Variants in ACAN observed in about 807,000 individuals in gnomAD.
ACAN encodes the protein aggrecan, also known as aggrecan core protein.
Under a neutral mutation model 169.1 loss-of-function variants are expected in ACAN, and 47 were observed. That is an observed-to-expected ratio of 0.28 (90% CI 0.22 to 0.35). The LOEUF is 0.35. Ranked by LOEUF, ACAN falls within the 10% of genes least tolerant of loss-of-function variation. ACAN has a pLI of 1.00. For synonymous variants in ACAN, 1,115 were observed against 1,112.2 expected (o/e 1.00, Z -0.05); for missense variants, 2,716 against 2,759.9 (o/e 0.98, Z 0.36).
chr15:88,806,225 A>C (rs8026235), intron 1 of ACAN, among the ~76,000 whole-genome samples: 2,451 of 152,342 alleles, frequency 0.016, 67 homozygotes, highest in African/African-American at 0.056. Context: ...AAGCACCACA[A>C]ACTTTAATTC....
rs1454438233 is a variant in ACAN at position 88,843,704 on chromosome 15, A to G, written c.1051+56A>G. The G allele has an allele frequency of 6.6e-7, 1 of 1,508,750 alleles. No individual in the cohort carries two copies. Among genetic ancestry groups the G allele is most frequent in the Non-Finnish European group, 8.9e-7 (1 of 1,125,544 alleles). 93.5% of individuals were successfully genotyped at this position (1,508,750 alleles called of 1,614,324 possible). ...TCATGCCACTAAAATGGGGTCCTAG[A>G]GGGAAGAGGGGATCTTGGAAAGGGA... On this transcript the variant is annotated intron_variant, in intron 6 of 18. Coordinates refer to ENST00000560601, the MANE Select transcript of ACAN (RefSeq NM_001369268.1). The surrounding 1 kb of genome is among the most constrained non-coding windows in gnomAD (Gnocchi z 4.0).
chr15:88,824,631 C>A (rs189346404), intron 1 of ACAN, among the ~76,000 whole-genome samples: 1 of 152,128 alleles, frequency 6.6e-6, no homozygotes, highest in African/African-American at 2.4e-5. Context: ...ATAATCCCAG[C>A]ATTTTGGGAA....
chr15:88,871,083 T>C lies in ACAN; in HGVS notation c.7061-299T>C, dbSNP rs1036702188. The stretch of plus-strand genomic sequence containing the variant: ...TCTTTTGAACTGGACTGCTGACCTC[T>C]GCCGGCCCAGCAGAGCAGGCATCAA... On this transcript the variant is annotated intron_variant, in intron 14 of 18. Coordinates refer to ENST00000560601, the MANE Select transcript of ACAN (RefSeq NM_001369268.1). The surrounding 1 kb of genome is among the most constrained non-coding windows in gnomAD (Gnocchi z 7.8). Among the ~76,000 whole-genome samples the C allele has an allele frequency of 6.6e-6, 1 of 152,126 alleles. No individual in the cohort carries two copies. The highest frequency in any genetic ancestry group is 1.5e-5 in the Non-Finnish European group (1 of 68,024).
Position 88,857,899 on chromosome 15 carries a change from G to A in ACAN, c.5314G>A (p.Val1772Ile). Residue 1772 changes from valine (V) to isoleucine (I), a missense_variant, in exon 12 of 19, where the codon GTT (valine) becomes ATT (isoleucine). This residue lies in a region of ACAN where 1,389 missense variants were observed against 1,363.7 expected (regional missense o/e 1.02). Transcript: ENST00000560601. ...AGGTATTAGTGGAGAAGCATCTGGA[G>A]TTCTTTATGGCACTAGTCAACCCTT... ...QPGISGEASG[V>I]LYGTSQPFGI... The A allele has an allele frequency of 1.2e-6, 2 of 1,613,656 alleles. No homozygotes were observed. Among genetic ancestry groups the A allele is most frequent in the South Asian group, 2.2e-5 (2 of 91,070 alleles).
Position 88,840,206 on chromosome 15 carries a change from C to CT in ACAN, c.629+21dup. Reference sequence around the variant, plus strand: ...TGTCAGGTGAGCCCTAGCCCATCAGCTAGTGGGGGCCAGGAGTCAGCAGCC... The same window carrying CT: ...TGTCAGGTGAGCCCTAGCCCATCAGCTTAGTGGGGGCCAGGAGTCAGCAGCC... On this transcript the variant is annotated intron_variant, in intron 4 of 18. Coordinates refer to ENST00000560601, the MANE Select transcript of ACAN (RefSeq NM_001369268.1). 6.4e-7 allele frequency: 1 copy of CT among 1,567,488 alleles called. No individual in the cohort carries two copies. The highest frequency in any genetic ancestry group is 8.6e-7 in the Non-Finnish European group (1 of 1,159,344).
chr15:88,812,383 C>A (rs548457679), intron 1 of ACAN, among the ~76,000 whole-genome samples: 11 of 152,120 alleles, frequency 7.2e-5, no homozygotes, highest in Admixed American at 2.6e-4. Flanking sequence ...TTGCATATTT[C>A]CTCTCAGCCC....
intron 11 of ACAN, among the ~76,000 whole-genome samples, chr15:88,852,876 T>C (rs143854672): frequency 1.3e-5 from 2 of 152,344 alleles, no homozygotes; most frequent in East Asian, 3.9e-4. Context: ...CCTGGGGGTA[T>C]GTGCATCTGA....
At chr15:88,864,171 T>C (rs1264680122) in intron 13 of ACAN, among the ~76,000 whole-genome samples, 1 of 152,174 alleles carries the variant, frequency 6.6e-6, no homozygotes, top group Non-Finnish European at 1.5e-5. Flanking sequence ...AGTGAGACCC[T>C]GTCTCAAAAA....
intron 1 of ACAN, among the ~76,000 whole-genome samples, chr15:88,826,271 A>G (rs925764092): frequency 6.6e-6 from 1 of 152,136 alleles, no homozygotes; most frequent in Non-Finnish European, 1.5e-5. Context: ...TGACTTGATT[A>G]GAGCTCTTGA....
intron 1 of ACAN, among the ~76,000 whole-genome samples, chr15:88,830,353 A>C (rs1896328734): frequency 6.6e-6 from 1 of 152,162 alleles, no homozygotes; most frequent in Non-Finnish European, 1.5e-5. Context: ...GCGTTCTGAG[A>C]AATGCATTCT....
intron 9 of ACAN, 85 bp downstream of exon 9, chr15:88,848,123 G>C: frequency 6.5e-7 from 1 of 1,539,240 alleles, no homozygotes; most frequent in South Asian, 1.2e-5. Flanking sequence ...GAAGAGAGGG[G>C]GTTACCACCC....
rs569217270 is a variant in ACAN, at chr15:88,851,635, C to A, written c.2027-159C>A. On this transcript the variant is annotated intron_variant, in intron 10 of 18. Coordinates refer to ENST00000560601, the MANE Select transcript of ACAN (RefSeq NM_001369268.1). This position sits in a 1 kb window ranked among gnomAD's most constrained non-coding sequence, Gnocchi z 4.3. ...CATATGGATATTATATCATTGGTGC[C>A]GATGGCTCTTACTAAGCGAGAAGGC... The A allele has an allele frequency of 2.6e-6, 2 of 770,374 alleles. No homozygotes were observed. Among genetic ancestry groups the A allele is most frequent in the Non-Finnish European group, 2.0e-6 (1 of 494,474 alleles). The allele number at this position is 770,374 out of a possible 1,614,324, so 47.7% of individuals were successfully genotyped here. A position where few individuals can be genotyped will look rare whatever the true frequency, so the allele number is the denominator to read the frequency against.
chr15:88,838,783 C>T lies in ACAN; in HGVS notation c.191C>T (p.Pro64Leu), dbSNP rs1296036330. 2 of 1,613,924 alleles carry T rather than the reference C, an allele frequency of 1.2e-6. No homozygotes were observed. The highest frequency in any genetic ancestry group is 1.3e-5 in the African/African-American group (1 of 74,946). ...IDPMHPVTTA[P>L]STAPLAPRIK... is the part of the protein sequence containing the mutation. Reference sequence around the variant, plus strand: ...CCCATGCACCCTGTGACCACCGCCCCTTCTACCGCCCCACTGGCCCCAAGA... The same window carrying T: ...CCCATGCACCCTGTGACCACCGCCCTTTCTACCGCCCCACTGGCCCCAAGA... Residue 64 changes from proline to leucine, a missense_variant, in exon 3 of 19, where the codon CCT (proline) becomes CTT (leucine). Physicochemically the swap from Pro to Leu is moderately conservative, Grantham distance 98. This residue lies in a region of ACAN where 1,283 missense variants were observed against 1,281.5 expected (regional missense o/e 1.00). Transcript: ENST00000560601. This position sits in a 1 kb window ranked among gnomAD's most constrained non-coding sequence, Gnocchi z 5.1.
intron 1 of ACAN, among the ~76,000 whole-genome samples, chr15:88,830,981 T>C (rs879492248): frequency 1.3e-5 from 2 of 152,208 alleles, no homozygotes; most frequent in Non-Finnish European, 2.9e-5. Context: ...TGAAATGTTA[T>C]GTGGCCCATG....
chr15:88,842,635 C>T lies in ACAN; in HGVS notation c.758-720C>T, dbSNP rs529923319. On this transcript the variant is annotated intron_variant, in intron 5 of 18. Transcript: ENST00000560601. ...CTTTCTCACCATCGTAGGCCCCCTG[C>T]CGCATTCCCACCCCAGGGGGCAAAC... Among the ~76,000 whole-genome samples, 112 of 152,320 alleles carry T rather than the reference C, an allele frequency of 7.4e-4. 1 individual carries two copies. Among genetic ancestry groups the T allele is most frequent in the African/African-American group, 2.6e-3 (109 of 41,566 alleles).
At position 88,873,758 on chromosome 15, in the gene ACAN, C is replaced by G; in HGVS notation, c.7448-84C>G. On this transcript the variant is annotated intron_variant, in intron 17 of 18. Transcript: ENST00000560601. This position sits in a 1 kb window ranked among gnomAD's most constrained non-coding sequence, Gnocchi z 7.5. ...CACTGTCAGATGTTGAGGCTGTGTC[C>G]CCCACAGTGCCTCGGGTCACAACCA... is the stretch of plus-strand genomic sequence containing the variant. 1 of 1,427,998 alleles carries G rather than the reference C, an allele frequency of 7.0e-7. No individual in the cohort carries two copies. Among genetic ancestry groups the G allele is most frequent in the Non-Finnish European group, 9.6e-7 (1 of 1,041,208 alleles). The allele number at this position is 1,427,998 out of a possible 1,614,324, so 88.5% of individuals were successfully genotyped here. A position where few individuals can be genotyped will look rare whatever the true frequency, so the allele number is the denominator to read the frequency against.
chr15:88,823,579 A>C (rs1382291215), intron 1 of ACAN, among the ~76,000 whole-genome samples: 4 of 152,142 alleles, frequency 2.6e-5, no homozygotes, highest in African/African-American at 9.7e-5. Context: ...GAAAAGGCTG[A>C]TGGTGTTCAG....
intron 1 of ACAN, among the ~76,000 whole-genome samples, chr15:88,824,889 C>CAA (rs574577948): frequency 2.3e-4 from 27 of 117,110 alleles, no homozygotes; most frequent in African/African-American, 7.5e-4. Flanking sequence ...GAGACTCTGT[C>CAA]AAAAAAAAAA....
chr15:88,871,371 C>G lies in ACAN; in HGVS notation c.7061-11C>G, dbSNP rs923427882. ...CTGCCCCTCCCTTCAAGCCCCTGAC[C>G]TGTGTTGCAGACCAGGAGGTATGTG... On this transcript the variant is annotated splice_polypyrimidine_tract_variant and intron_variant, in intron 14 of 18. Coordinates refer to ENST00000560601, the MANE Select transcript of ACAN (RefSeq NM_001369268.1). This position sits in a 1 kb window ranked among gnomAD's most constrained non-coding sequence, Gnocchi z 7.8. 1 of 1,613,678 alleles carries G rather than the reference C, an allele frequency of 6.2e-7. No homozygotes were observed. The highest frequency in any genetic ancestry group is 1.3e-5 in the African/African-American group (1 of 74,938).
Sources: allele counts gnomAD v4.1 joint callset (sites outside exome capture counted in the v4.1 genomes callset), GRCh38; gene constraint gnomAD v4.1.1; regional missense constraint gnomAD v4.1.1; non-coding constraint Gnocchi (gnomAD v3.1); transcripts MANE v1.5; gene names NCBI Gene and HGNC (gene_info 2026-07-23, HGNC 2026-07-21).